The following CMSS1 variants were observed in gnomAD, a reference collection of about 807,000 sequenced individuals.
CMSS1 encodes protein CMSS1.
CMSS1 carries 33 observed loss-of-function variants against 43.5 expected under a neutral mutation model. That is an observed-to-expected ratio of 0.76 (90% CI 0.57 to 1.01). The LOEUF is 1.01. CMSS1 is among the 50% of genes least tolerant of loss of function. The pLI, the probability that CMSS1 is intolerant of heterozygous loss-of-function variation, is 0.00. For synonymous variants in CMSS1, 115 were observed against 117.2 expected, an observed-to-expected ratio of 0.98 and a Z score of 0.12; for missense variants, 313 against 326.4, an observed-to-expected ratio of 0.96 and a Z score of 0.32.
intron 1 of CMSS1, among the ~76,000 whole-genome samples, chr3:99,981,701 A>G (rs1328667665): frequency 6.6e-6 from 1 of 152,220 alleles, no homozygotes; most frequent in Non-Finnish European, 1.5e-5. Flanking sequence ...ATTGGTTGGA[A>G]TTAGTGTTTA....
chr3:99,921,178 A>G (rs1007706589), intron 1 of CMSS1, among the ~76,000 whole-genome samples: 1 of 152,166 alleles, frequency 6.6e-6, no homozygotes, highest in Non-Finnish European at 1.5e-5. Context: ...CACTCAGTGA[A>G]GTTGGAAGGA....
intron 1 of CMSS1, among the ~76,000 whole-genome samples, chr3:99,885,348 C>T (rs1377883646): frequency 6.6e-6 from 1 of 152,218 alleles, no homozygotes; most frequent in African/African-American, 2.4e-5. Context: ...TCTTCAAATG[C>T]TGATGCATTC....
intron 1 of CMSS1, among the ~76,000 whole-genome samples, chr3:99,846,718 T>C (rs1226824113): frequency 6.6e-6 from 1 of 152,216 alleles, no homozygotes; most frequent in Non-Finnish European, 1.5e-5. Context: ...TTTACTATCA[T>C]GAAATTGATT....
intron 1 of CMSS1, among the ~76,000 whole-genome samples, chr3:99,994,991 G>GC (rs1351015338): frequency 6.6e-6 from 1 of 151,986 alleles, no homozygotes; most frequent in Admixed American, 6.6e-5. Flanking sequence ...TCCACCCCTG[G>GC]CCCCTCCAAA....
At chr3:99,843,082 C>T (rs1417377623) in intron 1 of CMSS1, among the ~76,000 whole-genome samples, 2 of 152,178 alleles carry the variant, frequency 1.3e-5, no homozygotes, top group Non-Finnish European at 2.9e-5. Flanking sequence ...GTTTGAGAAC[C>T]TTAGTAAACT....
chr3:100,119,230 T>A (rs1421809171), intron 1 of CMSS1, among the ~76,000 whole-genome samples: 1 of 152,174 alleles, frequency 6.6e-6, no homozygotes, highest in Non-Finnish European at 1.5e-5. Context: ...AGGTATAAAT[T>A]AATTTGTCTA....
At chr3:99,830,348 A>G (rs1942629266) in intron 1 of CMSS1, 1 of 361,168 alleles carries the variant, frequency 2.8e-6, no homozygotes, top group Non-Finnish European at 5.6e-6. Flanking sequence ...GGCCTTTCAT[A>G]GTGGTAATTT....
intron 8 of CMSS1, among the ~76,000 whole-genome samples, chr3:100,173,223 A>G (rs2067124368): frequency 6.6e-6 from 1 of 152,196 alleles, no homozygotes; most frequent in Non-Finnish European, 1.5e-5. Flanking sequence ...AACCCACTAT[A>G]TGCAGAGTTT....
chr3:99,912,552 A>AT (rs1706825237), intron 1 of CMSS1, among the ~76,000 whole-genome samples: 1 of 151,906 alleles, frequency 6.6e-6, no homozygotes, highest in African/African-American at 2.4e-5. Context: ...TAAATTTTGT[A>AT]TTTTTTGTAG....
intron 1 of CMSS1, among the ~76,000 whole-genome samples, chr3:100,049,992 T>G (rs1326392216): frequency 6.6e-6 from 1 of 152,172 alleles, no homozygotes; most frequent in Non-Finnish European, 1.5e-5. Flanking sequence ...GACCATATAC[T>G]GTGTGGTTCT....
chr3:99,924,685 A>AT (rs1487076769), intron 1 of CMSS1, among the ~76,000 whole-genome samples: 1 of 151,326 alleles, frequency 6.6e-6, no homozygotes, highest in Admixed American at 6.6e-5. Flanking sequence ...TGCCCAACTA[A>AT]TTTTTTTTGT....
intron 1 of CMSS1, among the ~76,000 whole-genome samples, chr3:100,072,260 A>C (rs181881312): frequency 9.2e-5 from 14 of 152,360 alleles, no homozygotes; most frequent in Middle Eastern, 3.4e-3. Context: ...TTATTCAGTC[A>C]GAAATAGAAT....
intron 1 of CMSS1, among the ~76,000 whole-genome samples, chr3:99,946,633 C>T (rs1708016307): frequency 6.6e-6 from 1 of 151,992 alleles, no homozygotes; most frequent in Non-Finnish European, 1.5e-5. Context: ...TGCATCTAAC[C>T]CACTCTCTTC....
intron 1 of CMSS1, among the ~76,000 whole-genome samples, chr3:99,982,365 G>A (rs1286296544): frequency 1.3e-5 from 2 of 150,954 alleles, no homozygotes; most frequent in Non-Finnish European, 3.0e-5. Flanking sequence ...TTTGAGACAG[G>A]GTCTCACTCT....
chr3:99,908,776 T>C (rs1171576655), intron 1 of CMSS1, among the ~76,000 whole-genome samples: 1 of 152,220 alleles, frequency 6.6e-6, no homozygotes, highest in African/African-American at 2.4e-5. Context: ...ATTGTTATTA[T>C]CACTAATTAT....
intron 3 of CMSS1, among the ~76,000 whole-genome samples, chr3:100,161,363 A>C (rs1369351061): frequency 3.3e-5 from 5 of 152,080 alleles, no homozygotes; most frequent in African/African-American, 1.2e-4. Context: ...CGCTTTGATA[A>C]TTTGTACACT....
chr3:99,876,079 G>A (rs1705498325), intron 1 of CMSS1: 8 of 986,320 alleles, frequency 8.1e-6, no homozygotes, highest in Non-Finnish European at 9.6e-6. Context: ...TACCTGAACT[G>A]CCTGCGCCGG....
chr3:99,842,975 T>C (rs569939475), intron 1 of CMSS1, among the ~76,000 whole-genome samples: 1 of 152,340 alleles, frequency 6.6e-6, no homozygotes, highest in South Asian at 2.1e-4. Flanking sequence ...CCAAAAGCCT[T>C]ACCCTTCTTG....
intron 1 of CMSS1, among the ~76,000 whole-genome samples, chr3:99,889,345 T>TC (rs1460053471): frequency 6.6e-6 from 1 of 152,138 alleles, no homozygotes; most frequent in African/African-American, 2.4e-5. Flanking sequence ...CCTTTATAGA[T>TC]GTTTTTAACT....
Sources: gnomAD v4.1 joint callset for allele counts (sites outside exome capture counted in the v4.1 genomes callset) on GRCh38, gnomAD v4.1.1 for gene constraint, MANE v1.5 for transcripts, NCBI Gene and HGNC (gene_info 2026-07-23, HGNC 2026-07-21) for gene names.